A2ML1: variants seen among roughly 807,000 people sequenced by gnomAD.
A2ML1 encodes the protein alpha-2-macroglobulin-like protein 1.
A neutral mutation model predicts 181.9 loss-of-function variants in A2ML1; 161 were observed. The observed-to-expected ratio is 0.89, with a 90% CI of 0.78 to 1.01. The LOEUF is 1.01. Ranked by LOEUF, A2ML1 falls within the 50% of genes least tolerant of loss-of-function variation. The probability of loss-of-function intolerance (pLI) is 0.00; values close to 1 mark genes in which losing one functional copy is unlikely to be tolerated. For synonymous variants in A2ML1, 663 were observed against 666.8 expected, an observed-to-expected ratio of 0.99 and a Z score of 0.09; for missense variants, 1,670 against 1,768.1, an observed-to-expected ratio of 0.94 and a Z score of 1.00.
At chr12:8,879,491 C>CA (rs1044526308), downstream of A2ML1, among the ~76,000 whole-genome samples, 55 of 141,000 alleles carry the variant, frequency 3.9e-4, no homozygotes, top group South Asian at 9.0e-4. Context: ...ACTTGGTGTC[C>CA]AAAAAAAAAA....
Position 8,843,286 on chromosome 12 carries a change from C to A in A2ML1, c.1401C>A (p.Pro467=). 1.2e-6 allele frequency: 2 copies of A among 1,614,170 alleles called. No homozygotes were observed. Among genetic ancestry groups the A allele is most frequent in the Non-Finnish European group, 1.7e-6 (2 of 1,180,030 alleles). The part of the protein sequence containing the change: ...RLNGPLKCGQ[P]QEVLVDYYID... The stretch of plus-strand genomic sequence containing the variant: ...ACGGCCCCTTGAAATGTGGCCAGCC[C>A]CAGGAAGTGCTGGTGGATTATTACA... The change falls in exon 12 of 36, where the codon CCC becomes CCA. Residue 467 remains proline, a synonymous_variant. Transcript: ENST00000299698.
chr12:8,831,761 T>C lies in A2ML1; in HGVS notation c.462+1982T>C, dbSNP rs1042140667. On this transcript the variant is annotated intron_variant, in intron 4 of 35. Transcript: ENST00000299698. ...TTTTTTTTTGTTTTTGTTTTTGTTT[T>C]TTTTTGAGACGGAGTTTCATTCTTG... is the stretch of plus-strand genomic sequence containing the variant. Among the ~76,000 whole-genome samples the C allele has an allele frequency of 2.0e-5, 3 of 152,086 alleles. No homozygotes were observed. In the South Asian group the frequency reaches 6.2e-4, roughly 32 times the overall value.
chr12:8,832,700 G>A (rs1235158152), intron 4 of A2ML1, among the ~76,000 whole-genome samples: 2 of 152,144 alleles, frequency 1.3e-5, no homozygotes, highest in Admixed American at 1.3e-4. Flanking sequence ...GCTGTCGATT[G>A]TTCTGGCTTC....
At position 8,868,551 on chromosome 12, in the gene A2ML1, G is replaced by A. The variant is rs200744656; in HGVS notation, c.4076G>A (p.Arg1359His). The change falls in exon 32 of 36, where the codon CGT becomes CAT. Residue 1359 changes from arginine to histidine, a missense_variant. Transcript: ENST00000299698. ...CCTGCTCTCAGTTATGTGGGGAGCC[G>A]TAGCTCTTCCAATATGGCTATTGTG... ...LTIHTSYVGS[R>H]SSSNMAIVEV... 4.8e-4 allele frequency: 781 copies of A among 1,613,904 alleles called. 1 individual carries two copies. The highest frequency in any genetic ancestry group is 2.3e-3 in the Middle Eastern group (14 of 6,060).
intron 16 of A2ML1, 151 bp from the exon 17 acceptor site, chr12:8,849,518 A>G: frequency 1.6e-6 from 1 of 637,130 alleles, no homozygotes; most frequent in Non-Finnish European, 2.7e-6. Flanking sequence ...AACCAGCCTC[A>G]GTGGCTGAGT....
At chr12:8,845,048 C>T in intron 12 of A2ML1, 1 of 1,431,704 alleles carries the variant, frequency 7.0e-7, no homozygotes. Context: ...ATTATTTCCA[C>T]TGAATTTTAA....
rs10670476 is a variant in A2ML1, at chr12:8,832,979, C to CTT, written c.463-1672_463-1671dup. Among the ~76,000 whole-genome samples, 8 of 138,670 alleles carry CTT rather than the reference C, an allele frequency of 5.8e-5. 1 individual carries two copies. The highest frequency in any genetic ancestry group is 5.4e-5 in the African/African-American group (2 of 37,212). The allele number at this position is 138,670 out of a possible 152,430, so 91.0% of individuals were successfully genotyped here. On this transcript the variant is annotated intron_variant, in intron 4 of 35. Coordinates refer to ENST00000299698, the MANE Select transcript of A2ML1 (RefSeq NM_144670.6). ...ACTTCCAGTCGGAAATGCTACTTTC[C>CTT]TTTTTTTTTTTTGAGACGGAGTTTC...
intron 12 of A2ML1, chr12:8,845,104 ACTTT>A: frequency 6.9e-7 from 1 of 1,450,660 alleles, no homozygotes; most frequent in Non-Finnish European, 9.0e-7. Flanking sequence ...ATTTTCGCTG[ACTTT>A]CTGTTACAAA....
intron 4 of A2ML1, among the ~76,000 whole-genome samples, chr12:8,833,034 C>T (rs769841894): frequency 2.0e-5 from 3 of 147,634 alleles, no homozygotes; most frequent in Non-Finnish European, 4.4e-5. Flanking sequence ...AGTGCAGTAG[C>T]GGGATCTCAG....
At position 8,872,798 on chromosome 12, in the gene A2ML1, AG is replaced by A. The variant is rs1178708736; in HGVS notation, c.4222-1626del. 7.2e-5 allele frequency among the ~76,000 whole-genome samples: 10 copies of A among 139,376 alleles called. No individual in the cohort carries two copies. In the South Asian group the frequency reaches 1.5e-3, roughly 20 times the overall value. 91.4% of individuals were successfully genotyped at this position (139,376 alleles called of 152,430 possible). On this transcript the variant is annotated intron_variant, in intron 33 of 35. Coordinates refer to ENST00000299698, the MANE Select transcript of A2ML1 (RefSeq NM_144670.6). ...GACTCCATCTCAAAAAAAAAAAAAAAGAAAAAGAAAAAGAAAATAACTATTT... is the reference window on the plus strand; with the variant it reads ...GACTCCATCTCAAAAAAAAAAAAAAAAAAAAGAAAAAGAAAATAACTATTT...
chr12:8,858,882 C>T (rs754082811), intron 26 of A2ML1, among the ~76,000 whole-genome samples: 20 of 152,084 alleles, frequency 1.3e-4, no homozygotes, highest in Admixed American at 7.9e-4. Flanking sequence ...TAGTAGGCAG[C>T]CCAACGTCTT....
intron 3 of A2ML1, among the ~76,000 whole-genome samples, chr12:8,828,098 A>G (rs1054213148): frequency 6.6e-6 from 1 of 152,198 alleles, no homozygotes; most frequent in African/African-American, 2.4e-5. Context: ...TGTGGTAACC[A>G]GTACCTGGCT....
rs138893751 is a variant in A2ML1 at position 8,856,747 on chromosome 12, A to C, written c.2849-417A>C. Among the ~76,000 whole-genome samples the C allele has an allele frequency of 1.7e-3, 265 of 152,282 alleles. 1 individual carries two copies. The highest frequency in any genetic ancestry group is 6.1e-3 in the African/African-American group (252 of 41,566). On this transcript the variant is annotated intron_variant, in intron 23 of 35. Transcript: ENST00000299698. ...CTCCGTGTCCCCTAGCACCTCGTAC[A>C]TATCCAGTATGACATTGTAGTACTG...
chr12:8,823,206 C>T lies in A2ML1; in HGVS notation c.87C>T (p.Ala29=). 1.9e-6 allele frequency: 3 copies of T among 1,613,858 alleles called. No individual in the cohort carries two copies. The highest frequency in any genetic ancestry group is 2.5e-6 in the Non-Finnish European group (3 of 1,179,944). The part of the protein sequence containing the change: ...ELPNYLVTLP[A]RLNFPSVQKV... ...GAAACTACCTGGTGACATTACCAGC[C>T]CGGCTAAATTTCCCCTCCGTTCAGA... The change falls in exon 2 of 36, where the codon GCC becomes GCT. Residue 29 remains alanine (A), a synonymous_variant. Transcript: ENST00000299698.
In A2ML1 at chr12:8,869,203, G is replaced by T; in HGVS notation, c.4221G>T (p.Glu1407Asp). 1 of 1,613,972 alleles carries T rather than the reference G, an allele frequency of 6.2e-7. No individual in the cohort carries two copies. ...GTDTLNIYLD[E>D]LIKNTQTYTF... ...ACACACTTAACATTTACTTGGATGA[G>T]GTAGGTATTCAGGAACCAGATCAAA... The change falls in exon 33 of 36, where the codon GAG (glutamate) becomes GAT (aspartate). Residue 1407 changes from glutamate (E) to aspartate (D), a missense_variant and splice_region_variant. Transcript: ENST00000299698.
In A2ML1 at chr12:8,882,942, T is replaced by A. The variant is rs190454733; in HGVS notation, c.*94+2326T>A. On this transcript the variant is annotated intron_variant and NMD_transcript_variant, in intron 7 of 7. Transcript: ENST00000537475. ...TTCTTCCTGCCCCCTCCCCGCCAGC[T>A]CCATCTTCGGCCTTTGACCCTCACA... Among the ~76,000 whole-genome samples, 195 of 152,274 alleles carry A rather than the reference T, an allele frequency of 1.3e-3. 1 individual carries two copies. Among genetic ancestry groups the A allele is most frequent in the Admixed American group, 2.6e-3 (40 of 15,286 alleles).
At chr12:8,871,642 A>G (rs1944625351) in intron 33 of A2ML1, among the ~76,000 whole-genome samples, 1 of 152,072 alleles carries the variant, frequency 6.6e-6, no homozygotes, top group African/African-American at 2.4e-5. Context: ...TTATCCATTT[A>G]TCCATACATT....
intron 10 of A2ML1, among the ~76,000 whole-genome samples, chr12:8,839,540 AAGT>A (rs1943398189): frequency 7.2e-6 from 1 of 139,280 alleles, no homozygotes; most frequent in African/African-American, 2.6e-5. Context: ...CCCATAGAAG[AAGT>A]GCCTTGAATA....
chr12:8,880,659 A>G (rs1944862015), downstream of A2ML1: 1 of 152,146 alleles, frequency 6.6e-6, no homozygotes, highest in Non-Finnish European at 1.5e-5. Context: ...AGGAGGGGAC[A>G]CTCAGCAGCT....
Sources: gnomAD v4.1 joint callset for allele counts (sites outside exome capture counted in the v4.1 genomes callset) on GRCh38, gnomAD v4.1.1 for gene constraint, MANE v1.5 for transcripts, NCBI Gene and HGNC (gene_info 2026-07-23, HGNC 2026-07-21) for gene names.